REXO5: variants seen among roughly 807,000 people sequenced by gnomAD.
The protein encoded by REXO5 is RNA exonuclease 5.
REXO5 carries 48 observed loss-of-function variants against 88.5 expected under a neutral mutation model. That is an observed-to-expected ratio of 0.54 (90% confidence interval 0.43 to 0.69). The LOEUF (loss-of-function observed/expected upper bound fraction) is 0.69. Among genes scored for constraint, REXO5 ranks in the 30% least tolerant of loss-of-function variants. The pLI is 0.00. For synonymous variants in REXO5, 311 were observed against 336.5 expected (o/e 0.92, Z 0.83); for missense variants, 749 against 912.2 (o/e 0.82, Z 2.30).
chr16:20,833,109 C>T lies in REXO5; in HGVS notation c.1369C>T (p.Leu457Phe), dbSNP rs371248778. The T allele has an allele frequency of 9.3e-6, 15 of 1,612,982 alleles. No homozygotes were observed. The African/African-American group carries it at 2.0e-4, about 22-fold the overall frequency. Residue 457 changes from leucine (L) to phenylalanine (F), a missense_variant, in exon 13 of 20, where the codon CTT becomes TTT. Coordinates refer to ENST00000261377, the MANE Select transcript of REXO5 (RefSeq NM_030941.3). ...SSRNCQTIKCLSNKEVLEQAR... is the reference protein window; with the variant it reads ...SSRNCQTIKCFSNKEVLEQAR... Reference sequence around the variant, plus strand: ...CAGAAATTGTCAAACTATTAAGTGTCTTTCAAATAAAGAGGTGAGTGGCCT... The same window carrying T: ...CAGAAATTGTCAAACTATTAAGTGTTTTTCAAATAAAGAGGTGAGTGGCCT...
Position 20,846,476 on chromosome 16 carries a change from A to G in REXO5, c.2243+137A>G, listed in dbSNP as rs149970012. Reference sequence around the variant, plus strand: ...CATCTCTTTAATTTTCACCGTTCTAAAAGATAGGCATTGTATTCCCATTTC... The same window carrying G: ...CATCTCTTTAATTTTCACCGTTCTAGAAGATAGGCATTGTATTCCCATTTC... On this transcript the variant is annotated intron_variant, in intron 19 of 19. Coordinates refer to ENST00000261377, the MANE Select transcript of REXO5 (RefSeq NM_030941.3). 121 of 615,332 alleles carry G rather than the reference A, an allele frequency of 2.0e-4. No individual in the cohort carries two copies. The African/African-American group carries it at 2.0e-3, about 10-fold the overall frequency. 38.1% of individuals were successfully genotyped at this position (615,332 alleles called of 1,614,324 possible).
chr16:20,845,392 A>G (rs1408843209), intron 18 of REXO5, 151 bp downstream of exon 18: 5 of 683,416 alleles, frequency 7.3e-6, no homozygotes, highest in Non-Finnish European at 7.2e-6. Context: ...TTTCTCGCAG[A>G]TCTCTCATAC....
At chr16:20,848,001 C>A (rs909318637) in intron 19 of REXO5, among the ~76,000 whole-genome samples, 2 of 152,150 alleles carry the variant, frequency 1.3e-5, no homozygotes, top group African/African-American at 4.8e-5. Context: ...GACAAAGGTC[C>A]TAAGTTTGAC....
At chr16:20,839,454 G>T (rs1806527122) in intron 13 of REXO5, among the ~76,000 whole-genome samples, 2 of 151,804 alleles carry the variant, frequency 1.3e-5, no homozygotes, top group Non-Finnish European at 1.5e-5. Context: ...TACAATAGTG[G>T]GAGTTACACT....
intron 2 of REXO5, among the ~76,000 whole-genome samples, chr16:20,812,248 G>A (rs1016910096): frequency 3.9e-5 from 6 of 152,174 alleles, no homozygotes; most frequent in Non-Finnish European, 8.8e-5. Context: ...TAGGCCGGGC[G>A]TGGTGGCTCA....
rs142584673 is a variant in REXO5, at chr16:20,814,832, G to A, written c.252-95G>A. On this transcript the variant is annotated intron_variant, in intron 3 of 19. Coordinates refer to ENST00000261377, the MANE Select transcript of REXO5 (RefSeq NM_030941.3). ...TAAATTCTATTAACTCTCACTCACT[G>A]CTTTTCCTGCGCCTTCTCCCCTATT... 11 of 1,278,162 alleles carry A rather than the reference G, an allele frequency of 8.6e-6. No individual in the cohort carries two copies. In the East Asian group the frequency reaches 2.6e-4, roughly 30 times the overall value. 79.2% of individuals were successfully genotyped at this position (1,278,162 alleles called of 1,614,324 possible).
chr16:20,829,162 A>T (rs539675604), intron 11 of REXO5, among the ~76,000 whole-genome samples: 84 of 152,116 alleles, frequency 5.5e-4, no homozygotes, highest in Non-Finnish European at 9.3e-4. Context: ...GAACAACATC[A>T]GTTTTTGGAT....
intron 13 of REXO5, among the ~76,000 whole-genome samples, chr16:20,835,309 T>C (rs1295877174): frequency 3.9e-5 from 6 of 152,136 alleles, no homozygotes; most frequent in African/African-American, 1.4e-4. Context: ...AATTCTTGCT[T>C]TTAAGGTTTG....
chr16:20,813,341 T>C lies in REXO5; in HGVS notation c.251+39T>C, dbSNP rs1295445213. 4.0e-6 allele frequency: 4 copies of C among 1,009,734 alleles called. No individual in the cohort carries two copies. The African/African-American group carries it at 8.6e-5, about 22-fold the overall frequency. The allele number at this position is 1,009,734 out of a possible 1,614,324, so 62.5% of individuals were successfully genotyped here. On this transcript the variant is annotated intron_variant, in intron 3 of 19. Coordinates refer to ENST00000261377, the MANE Select transcript of REXO5 (RefSeq NM_030941.3). ...TTAAATGGTGGGTATTGACCAGCGG[T>C]TTCTTTTTTTTTTTTTTTTTTTTAC...
At chr16:20,821,349 C>T (rs1050749705) in intron 5 of REXO5, among the ~76,000 whole-genome samples, 4 of 152,110 alleles carry the variant, frequency 2.6e-5, no homozygotes, top group African/African-American at 2.4e-5. Context: ...TGCAGTGGCG[C>T]GATCTCGGCT....
At chr16:20,838,505 A>G (rs1045498082) in intron 13 of REXO5, among the ~76,000 whole-genome samples, 2 of 152,202 alleles carry the variant, frequency 1.3e-5, no homozygotes, top group African/African-American at 4.8e-5. Context: ...GTGCAGGGGA[A>G]GACCTTCACC....
In REXO5 at chr16:20,837,721, A is replaced by G. The variant is rs200362544; in HGVS notation, c.1384-2034A>G. On this transcript the variant is annotated intron_variant, in intron 13 of 19. Coordinates refer to ENST00000261377, the MANE Select transcript of REXO5 (RefSeq NM_030941.3). The stretch of plus-strand genomic sequence containing the variant: ...TGGTTGATTTTTTTTTTTAGGGGGA[A>G]TAATTTTCATCAGCTGAAATGCTTC... Among the ~76,000 whole-genome samples the G allele has an allele frequency of 8.5e-5, 13 of 152,134 alleles. No individual in the cohort carries two copies. The East Asian group carries it at 2.3e-3, about 27-fold the overall frequency.
At chr16:20,840,886 G>A (rs1240812150) in intron 15 of REXO5, among the ~76,000 whole-genome samples, 5 of 152,154 alleles carry the variant, frequency 3.3e-5, no homozygotes, top group African/African-American at 1.2e-4. Context: ...CAGGCCATAC[G>A]AAAAAATATG....
Position 20,827,146 on chromosome 16 carries a change from G to C in REXO5, c.910G>C (p.Asp304His). Residue 304 changes from aspartate (D) to histidine (H), a missense_variant, in exon 9 of 20, where the codon GAT becomes CAT. By Grantham distance (81) the Asp-to-His change is moderately conservative. Transcript: ENST00000261377. ...QRQLKALLPPDAVLVGHSLDL... is the reference protein window; with the variant it reads ...QRQLKALLPPHAVLVGHSLDL... ...GCAGTTAAAAGCACTGCTTCCTCCT[G>C]ATGCTGTGTTAGTGGGCCACTCCTT... is the stretch of plus-strand genomic sequence containing the variant. 6.2e-7 allele frequency: 1 copy of C among 1,614,090 alleles called. No homozygotes were observed. Among genetic ancestry groups the C allele is most frequent in the Middle Eastern group, 1.6e-4 (1 of 6,062 alleles).
intron 2 of REXO5, 97 bp downstream of exon 2, chr16:20,807,188 C>T (rs2152497628): frequency 2.8e-6 from 4 of 1,417,328 alleles, no homozygotes; most frequent in East Asian, 2.5e-5. Context: ...CGGGCGGGCT[C>T]TCCGCCCTGG....
intron 19 of REXO5, among the ~76,000 whole-genome samples, chr16:20,847,660 A>G (rs1045282690): frequency 2.6e-5 from 4 of 152,176 alleles, no homozygotes; most frequent in African/African-American, 9.7e-5. Context: ...GAGGGGAAAA[A>G]AAATCTTAGA....
chr16:20,849,326 TCTAA>T (rs2081656836), intron 19 of REXO5, 69 bp from the exon 20 acceptor site: 2 of 1,415,344 alleles, frequency 1.4e-6, no homozygotes, highest in Admixed American at 1.7e-5. Flanking sequence ...AAATATCTCC[TCTAA>T]CTAGGCATTT....
Position 20,832,819 on chromosome 16 carries a change from T to A in REXO5, c.1263-184T>A, listed in dbSNP as rs548439231. Among the ~76,000 whole-genome samples, 6 of 152,362 alleles carry A rather than the reference T, an allele frequency of 3.9e-5. No individual in the cohort carries two copies. In the South Asian group the frequency reaches 1.2e-3, roughly 32 times the overall value. ...TGCTCTACATCTGTGCTATCTCGTT[T>A]GGTAGCTGCTAGTCACATTTGACTA... On this transcript the variant is annotated intron_variant, in intron 12 of 19. Transcript: ENST00000261377.
chr16:20,816,488 A>G (rs1407843290), intron 5 of REXO5, among the ~76,000 whole-genome samples: 1 of 151,932 alleles, frequency 6.6e-6, no homozygotes, highest in African/African-American at 2.4e-5. Flanking sequence ...CCACATCCCC[A>G]GCTAATTTTG....
Sources: gnomAD v4.1 joint callset for allele counts (sites outside exome capture counted in the v4.1 genomes callset) on GRCh38, gnomAD v4.1.1 for gene constraint, MANE v1.5 for transcripts, NCBI Gene and HGNC (gene_info 2026-07-23, HGNC 2026-07-21) for gene names.